CLNK: variants seen among roughly 807,000 people sequenced by gnomAD.
CLNK encodes the protein cytokine-dependent hematopoietic cell linker.
CLNK carries 74 observed loss-of-function variants against 68.6 expected under a neutral mutation model. The observed-to-expected ratio is 1.08, with a 90% CI of 0.89 to 1.31. The LOEUF (loss-of-function observed/expected upper bound fraction) is 1.31, where lower values mean the gene tolerates loss of function less well. Among genes scored for constraint, CLNK ranks in the 50% most tolerant of loss-of-function variants. The pLI, the probability that CLNK is intolerant of heterozygous loss-of-function variation, is 0.00. For synonymous variants in CLNK, 198 were observed against 172.2 expected, an observed-to-expected ratio of 1.15 and a Z score of -1.17; for missense variants, 553 against 515.3, an observed-to-expected ratio of 1.07 and a Z score of -0.71.
intron 2 of CLNK, among the ~76,000 whole-genome samples, chr4:10,634,891 T>C (rs1306850719): frequency 6.6e-6 from 1 of 152,172 alleles, no homozygotes; most frequent in Admixed American, 6.5e-5. Context: ...GGGCAGAAAC[T>C]GAGGACCAGA....
At chr4:10,610,305 A>C (rs1721962387) in intron 2 of CLNK, among the ~76,000 whole-genome samples, 1 of 148,912 alleles carries the variant, frequency 6.7e-6, no homozygotes, top group South Asian at 2.1e-4. Context: ...CGGCCTCCCA[A>C]AGTGCTGGGA....
intron 4 of CLNK, among the ~76,000 whole-genome samples, chr4:10,579,475 A>G (rs928887225): frequency 2.0e-5 from 3 of 152,212 alleles, no homozygotes; most frequent in East Asian, 1.9e-4. Context: ...TTGGTCAATG[A>G]TGGATCACAT....
intron 2 of CLNK, among the ~76,000 whole-genome samples, chr4:10,621,288 G>A (rs147601453): frequency 2.6e-5 from 4 of 152,290 alleles, no homozygotes; most frequent in African/African-American, 9.6e-5. Context: ...CAGACAGGGG[G>A]ATTCTTGAGG....
chr4:10,706,850 C>G, the CLNK span, among the ~76,000 whole-genome samples: 4 of 152,282 alleles, frequency 2.6e-5, no homozygotes, highest in South Asian at 4.1e-4. Context: ...ACCCTCTTGG[C>G]CAAAAGGACC....
intron 2 of CLNK, among the ~76,000 whole-genome samples, chr4:10,610,082 A>G (rs1364011094): frequency 1.0e-5 from 1 of 97,000 alleles, no homozygotes; most frequent in Non-Finnish European, 1.8e-5. Flanking sequence ...TTTGAGACGG[A>G]GTCTCGTTCT....
chr4:10,598,786 C>T, intron 2 of CLNK: 1 of 318,164 alleles, frequency 3.1e-6, no homozygotes, highest in Middle Eastern at 3.9e-4. Context: ...TTCATTAGCT[C>T]TATCAAACAC....
At chr4:10,719,650 T>C in the CLNK span, among the ~76,000 whole-genome samples, 1 of 152,310 alleles carries the variant, frequency 6.6e-6, no homozygotes, top group Non-Finnish European at 1.5e-5. Context: ...CTCTCCATAA[T>C]TGATAGAAAA....
the CLNK span, among the ~76,000 whole-genome samples, chr4:10,699,784 A>C: frequency 6.6e-6 from 1 of 151,744 alleles, no homozygotes; most frequent in African/African-American, 2.4e-5. Flanking sequence ...AAAGTGCTAG[A>C]ATTATAGGCA....
At chr4:10,575,153 A>C (rs529314371) in intron 4 of CLNK, among the ~76,000 whole-genome samples, 3 of 152,126 alleles carry the variant, frequency 2.0e-5, no homozygotes, top group Non-Finnish European at 4.4e-5. Context: ...TACTGCACTC[A>C]TTGTGGTAAT....
chr4:10,513,666 A>T, intron 15 of CLNK, 69 bp from the exon 16 acceptor site: 1 of 1,478,352 alleles, frequency 6.8e-7, no homozygotes, highest in Non-Finnish European at 9.0e-7. Context: ...ACCTCCAGAA[A>T]GGAGCTGAAA....
At chr4:10,609,592 G>A (rs1721931388) in intron 2 of CLNK, among the ~76,000 whole-genome samples, 1 of 152,208 alleles carries the variant, frequency 6.6e-6, no homozygotes, top group Non-Finnish European at 1.5e-5. Flanking sequence ...GGAAATATTT[G>A]TGCATGAGAA....
At chr4:10,686,551 C>T (rs1328496591), upstream of CLNK, among the ~76,000 whole-genome samples, 7 of 151,046 alleles carry the variant, frequency 4.6e-5, no homozygotes, top group East Asian at 1.9e-4. Flanking sequence ...CCCATGTACA[C>T]GGTGGGTTTG....
chr4:10,663,571 G>A (rs1724276537), intron 2 of CLNK, among the ~76,000 whole-genome samples: 1 of 152,110 alleles, frequency 6.6e-6, no homozygotes. Context: ...AAACATATGT[G>A]TGCATGTGCT....
chr4:10,600,373 T>C lies in CLNK; in HGVS notation c.12-2324A>G, dbSNP rs1721547841. On this transcript the variant is annotated intron_variant, in intron 2 of 18. Coordinates refer to ENST00000226951, the MANE Select transcript of CLNK (RefSeq NM_052964.4). ...AATCATTCATTTACTCAACAAATAG[T>C]TATTGGGTTTATTCCATACTAGGCA... 2.6e-5 allele frequency among the ~76,000 whole-genome samples: 4 copies of C among 152,216 alleles called. No homozygotes were observed. In the South Asian group the frequency reaches 8.3e-4, roughly 32 times the overall value.
At chr4:10,689,239 A>G (rs1037498748), upstream of CLNK, among the ~76,000 whole-genome samples, 1 of 151,598 alleles carries the variant, frequency 6.6e-6, no homozygotes, top group East Asian at 1.9e-4. Context: ...GGCTCAAGTG[A>G]TTCTCCTGCA....
the CLNK span, among the ~76,000 whole-genome samples, chr4:10,693,505 G>A: frequency 1.3e-5 from 2 of 152,210 alleles, no homozygotes; most frequent in African/African-American, 2.4e-5. Context: ...AATGCCTAGG[G>A]CTGCCAGAAG....
intron 1 of CLNK, among the ~76,000 whole-genome samples, chr4:10,682,239 T>C (rs1725121771): frequency 6.6e-6 from 1 of 152,126 alleles, no homozygotes; most frequent in South Asian, 2.1e-4. Context: ...CTGTTAAAAA[T>C]CATAAATAGA....
At chr4:10,662,587 C>A (rs559354822) in intron 2 of CLNK, among the ~76,000 whole-genome samples, 66 of 152,126 alleles carry the variant, frequency 4.3e-4, no homozygotes, top group Middle Eastern at 3.4e-3. Flanking sequence ...GGGTGAGAAA[C>A]CTTATTTAAG....
chr4:10,565,898 G>C, intron 6 of CLNK, 111 bp downstream of exon 6: 1 of 1,159,398 alleles, frequency 8.6e-7, no homozygotes, highest in South Asian at 1.6e-5. Context: ...AAGTCATGGG[G>C]GCAGACGTTA....
Sources: allele counts gnomAD v4.1 joint callset (sites outside exome capture counted in the v4.1 genomes callset), GRCh38; gene constraint gnomAD v4.1.1; transcripts MANE v1.5; gene names NCBI Gene and HGNC (gene_info 2026-07-23, HGNC 2026-07-21).